Variants in ROPN1L observed in about 807,000 individuals in gnomAD.
ROPN1L encodes the protein ropporin-1-like protein.
In ROPN1L, 23 loss-of-function variants were observed where a neutral mutation model predicts 22.7. The ratio of observed to expected loss-of-function variants is 1.01; its 90% CI spans 0.73 to 1.43. The LOEUF is 1.43. Ranked by LOEUF, ROPN1L falls within the 40% of genes most tolerant of loss-of-function variation. ROPN1L has a pLI of 0.00. For missense variants in ROPN1L, 271 were observed against 291.5 expected (o/e 0.93, Z 0.51); for synonymous variants, 116 against 117.8 (o/e 0.98, Z 0.10).
At chr5:10,468,797 GAGGCCACATCTGGATTT>G (rs1735197926), downstream of ROPN1L, among the ~76,000 whole-genome samples, 1 of 152,178 alleles carries the variant, frequency 6.6e-6, no homozygotes, top group African/African-American at 2.4e-5. Flanking sequence ...ACGTGGAGAG[GAGGCCACATCTGGATTT>G]AGCACCTCAA....
chr5:10,458,961 A>ACCTGTATACACCACCCCG (rs1561174873), intron 3 of ROPN1L, among the ~76,000 whole-genome samples: 1 of 46,204 alleles, frequency 2.2e-5, no homozygotes, highest in East Asian at 5.0e-4. Flanking sequence ...ACACCACCCC[A>ACCTGTATACACCACCCCG]CCTGTATACA....
chr5:10,460,405 C>T (rs1394003463), intron 3 of ROPN1L, among the ~76,000 whole-genome samples: 5 of 152,218 alleles, frequency 3.3e-5, no homozygotes, highest in Non-Finnish European at 5.9e-5. Context: ...CTCATGAAGA[C>T]GACCTTGGCC....
At position 10,450,094 on chromosome 5, in the gene ROPN1L, GATGCAGC is replaced by G; in HGVS notation, c.403_409del (p.Ser135LeufsTer5). 6.2e-7 allele frequency: 1 copy of G among 1,613,504 alleles called. No individual in the cohort carries two copies. Among genetic ancestry groups the G allele is most frequent in the Non-Finnish European group, 8.5e-7 (1 of 1,179,820 alleles). On this transcript the variant is annotated frameshift_variant, in exon 3 of 5. Coordinates refer to ENST00000274134, the MANE Select transcript of ROPN1L (RefSeq NM_031916.5). LOFTEE classifies it high-confidence loss of function. Reference sequence around the variant, plus strand: ...AAGTGGATAAACTTTTTAGCGCTTGGATGCAGCATGCTTGGTGGGGTATGTACCTATA... The same window carrying G: ...AAGTGGATAAACTTTTTAGCGCTTGGATGCTTGGTGGGGTATGTACCTATA...
At chr5:10,450,344 G>A (rs1022847813) in intron 3 of ROPN1L, among the ~76,000 whole-genome samples, 15 of 152,170 alleles carry the variant, frequency 9.9e-5, no homozygotes, top group African/African-American at 3.4e-4. Flanking sequence ...TGAAAGATAT[G>A]GATACTATTA....
At chr5:10,451,070 A>G (rs891086251) in intron 3 of ROPN1L, among the ~76,000 whole-genome samples, 2 of 152,230 alleles carry the variant, frequency 1.3e-5, no homozygotes, top group African/African-American at 2.4e-5. Context: ...TGTGAAGCTT[A>G]TGAAGAAAGG....
intron 4 of ROPN1L, among the ~76,000 whole-genome samples, chr5:10,463,492 G>A (rs527412083): frequency 1.3e-5 from 2 of 152,184 alleles, no homozygotes; most frequent in Non-Finnish European, 2.9e-5. Flanking sequence ...GGCCTTCTAG[G>A]TGCAAGGGCA....
At chr5:10,445,691 C>T (rs568925103) in intron 1 of ROPN1L, among the ~76,000 whole-genome samples, 5 of 152,240 alleles carry the variant, frequency 3.3e-5, no homozygotes, top group African/African-American at 4.8e-5. Context: ...TTTGGGAGGA[C>T]GAGGCGGACA....
downstream of ROPN1L, among the ~76,000 whole-genome samples, chr5:10,472,291 C>T (rs1215188296): frequency 6.6e-6 from 1 of 152,112 alleles, no homozygotes; most frequent in Non-Finnish European, 1.5e-5. Flanking sequence ...GTCCACCCAT[C>T]AACCAATCAT....
downstream of ROPN1L, among the ~76,000 whole-genome samples, chr5:10,475,385 T>C (rs2126486910): frequency 6.6e-6 from 1 of 152,328 alleles, no homozygotes; most frequent in African/African-American, 2.4e-5. Flanking sequence ...CCCGACCCTA[T>C]TGTCCTTACT....
downstream of ROPN1L, among the ~76,000 whole-genome samples, chr5:10,466,557 C>G (rs1045164865): frequency 1.3e-5 from 2 of 152,100 alleles, no homozygotes; most frequent in Non-Finnish European, 2.9e-5. Flanking sequence ...AAGCATAAAT[C>G]AGGAACAGCT....
chr5:10,445,208 G>A (rs553681282), intron 1 of ROPN1L, among the ~76,000 whole-genome samples: 12 of 152,290 alleles, frequency 7.9e-5, no homozygotes, highest in South Asian at 2.1e-4. Flanking sequence ...CTGACCTCAA[G>A]TAATCTGCCC....
chr5:10,447,321 C>G (rs867290027), intron 1 of ROPN1L, among the ~76,000 whole-genome samples: 24 of 152,162 alleles, frequency 1.6e-4, no homozygotes, highest in African/African-American at 5.6e-4. Flanking sequence ...GTGTGGGTTC[C>G]CTCTTGACTT....
Position 10,446,501 on chromosome 5 carries a change from A to G in ROPN1L, c.132-1759A>G, listed in dbSNP as rs1741067889. On this transcript the variant is annotated intron_variant, in intron 1 of 4. Coordinates refer to ENST00000274134, the MANE Select transcript of ROPN1L (RefSeq NM_031916.5). ...CATGGTGAAACCCCGTCTCTAATAA[A>G]ATATAAAAAATCAGCTGGGCTTGGT... is the stretch of plus-strand genomic sequence containing the variant. 3.3e-5 allele frequency among the ~76,000 whole-genome samples: 5 copies of G among 152,140 alleles called. No individual in the cohort carries two copies. The South Asian group carries it at 1.0e-3, about 32-fold the overall frequency.
chr5:10,444,700 A>C (rs1740998728), intron 1 of ROPN1L, among the ~76,000 whole-genome samples: 1 of 147,930 alleles, frequency 6.8e-6, no homozygotes, highest in South Asian at 2.3e-4. Flanking sequence ...GGAGTTCGAG[A>C]CCAACCTGAC....
intron 1 of ROPN1L, 88 bp downstream of exon 1, chr5:10,442,386 A>G: frequency 1.3e-6 from 2 of 1,522,168 alleles, no homozygotes; most frequent in East Asian, 2.3e-5. Context: ...CAGGGGCCTT[A>G]CGCGGCACTC....
At chr5:10,443,413 G>C (rs1467215567) in intron 1 of ROPN1L, among the ~76,000 whole-genome samples, 2 of 151,888 alleles carry the variant, frequency 1.3e-5, no homozygotes, top group East Asian at 3.9e-4. Context: ...ATGAGGTCAG[G>C]AGATCGAGAC....
rs919176370 is a variant in ROPN1L at position 10,441,942 on chromosome 5, G to T, written c.-226G>T. The T allele has an allele frequency of 7.5e-6, 4 of 530,486 alleles. No homozygotes were observed. The highest frequency in any genetic ancestry group is 5.8e-5 in the African/African-American group (3 of 51,958). The allele number at this position is 530,486 out of a possible 1,614,324, so 32.9% of individuals were successfully genotyped here. On this transcript the variant is annotated 5_prime_UTR_variant, in exon 1 of 5. Transcript: ENST00000274134. Reference sequence around the variant, plus strand: ...GCGGCTGGCGCTAGGGAACTGCAGGGTCTAGGGTGTTGTCGGAGTGGCAGT... The same window carrying T: ...GCGGCTGGCGCTAGGGAACTGCAGGTTCTAGGGTGTTGTCGGAGTGGCAGT...
At chr5:10,456,663 G>T (rs1368092030) in intron 3 of ROPN1L, among the ~76,000 whole-genome samples, 1 of 152,188 alleles carries the variant, frequency 6.6e-6, no homozygotes, top group Admixed American at 6.5e-5. Flanking sequence ...CTTTGGAATT[G>T]AGAAACAAAT....
At position 10,442,141 on chromosome 5, in the gene ROPN1L, C is replaced by T; in HGVS notation, c.-27C>T. 6.3e-7 allele frequency: 1 copy of T among 1,597,536 alleles called. No individual in the cohort carries two copies. Among genetic ancestry groups the T allele is most frequent in the Non-Finnish European group, 8.6e-7 (1 of 1,167,684 alleles). ...CTTCCTCGCAGCGCGCCGCGATTCACCAGCCTGGTCCCTTCTGCGGAGAGC... is the reference window on the plus strand; with the variant it reads ...CTTCCTCGCAGCGCGCCGCGATTCATCAGCCTGGTCCCTTCTGCGGAGAGC... On this transcript the variant is annotated 5_prime_UTR_variant, in exon 1 of 5. Coordinates refer to ENST00000274134, the MANE Select transcript of ROPN1L (RefSeq NM_031916.5).
Sources: gnomAD v4.1 joint callset for allele counts (sites outside exome capture counted in the v4.1 genomes callset) on GRCh38, gnomAD v4.1.1 for gene constraint, MANE v1.5 for transcripts, NCBI Gene and HGNC (gene_info 2026-07-23, HGNC 2026-07-21) for gene names.